The following RMC1 variants were observed in gnomAD, a reference collection of about 807,000 sequenced individuals.
RMC1 encodes the protein regulator of MON1-CCZ1 complex.
RMC1 carries 44 observed loss-of-function variants against 95.5 expected under a neutral mutation model. The ratio of observed to expected loss-of-function variants is 0.46; its 90% CI spans 0.36 to 0.59. The LOEUF is 0.59. Among genes scored for constraint, RMC1 ranks in the 20% least tolerant of loss-of-function variants. The pLI is 0.00. For missense variants in RMC1, 705 were observed against 819.6 expected (o/e 0.86, Z 1.71); for synonymous variants, 320 against 303.6 (o/e 1.05, Z -0.56).
intron 5 of RMC1, among the ~76,000 whole-genome samples, chr18:23,513,395 T>TA (rs1358160474): frequency 6.6e-6 from 1 of 152,260 alleles, no homozygotes; most frequent in Non-Finnish European, 1.5e-5. Context: ...TTAAGACTGA[T>TA]AATACCGCAC....
chr18:23,507,995 A>G lies in RMC1; in HGVS notation c.275A>G (p.Asn92Ser). Residue 92 changes from asparagine (N) to serine (S), a missense_variant, in exon 4 of 20, where the codon AAT (asparagine) becomes AGT (serine). By Grantham distance (46) the Asn-to-Ser change is conservative. Coordinates refer to ENST00000269221, the MANE Select transcript of RMC1 (RefSeq NM_013326.5). ...TGTTTTTCCTTTCAGGATTTTTGTA[A>G]TTTTATCCCTGATAATTCCCAGCTG... ...QRTSKTVDFC[N>S]FIPDNSQLEY... 6.2e-7 allele frequency: 1 copy of G among 1,610,622 alleles called. No individual in the cohort carries two copies. Among genetic ancestry groups the G allele is most frequent in the East Asian group, 2.2e-5 (1 of 44,744 alleles).
chr18:23,524,111 A>C lies in RMC1; in HGVS notation c.962-19A>C, dbSNP rs2058224733. 5 of 1,613,956 alleles carry C rather than the reference A, an allele frequency of 3.1e-6. No individual in the cohort carries two copies. The highest frequency in any genetic ancestry group is 3.3e-5 in the Admixed American group (2 of 60,014). ...ATTTTCTGACTGCATCGTTGCACTT[A>C]TGTTTTCTCAATTTGTAGGTCCTGC... On this transcript the variant is annotated intron_variant, in intron 10 of 19. Coordinates refer to ENST00000269221, the MANE Select transcript of RMC1 (RefSeq NM_013326.5).
At chr18:23,505,675 C>T (rs969923725) in intron 2 of RMC1, among the ~76,000 whole-genome samples, 7 of 152,152 alleles carry the variant, frequency 4.6e-5, no homozygotes, top group Non-Finnish European at 7.3e-5. Flanking sequence ...TAGCAATCAG[C>T]GAGCCATGTG....
chr18:23,505,002 T>C (rs2057677692), intron 2 of RMC1, among the ~76,000 whole-genome samples: 1 of 152,172 alleles, frequency 6.6e-6, no homozygotes, highest in Non-Finnish European at 1.5e-5. Context: ...GAAAGTATAA[T>C]GTAGGCCCTC....
At chr18:23,513,691 C>G (rs2057923171) in intron 5 of RMC1, among the ~76,000 whole-genome samples, 1 of 152,194 alleles carries the variant, frequency 6.6e-6, no homozygotes, top group Non-Finnish European at 1.5e-5. Context: ...TCTCCATATC[C>G]TCACCAACAC....
At chr18:23,521,345 C>T (rs571073445) in intron 10 of RMC1, among the ~76,000 whole-genome samples, 13 of 152,324 alleles carry the variant, frequency 8.5e-5, no homozygotes, top group Middle Eastern at 3.4e-3. Context: ...TGAATACACC[C>T]GTAACGTTTT....
intron 12 of RMC1, among the ~76,000 whole-genome samples, chr18:23,525,116 T>G (rs1167739637): frequency 6.6e-6 from 1 of 151,324 alleles, no homozygotes; most frequent in Non-Finnish European, 1.5e-5. Context: ...CCAGCTAATT[T>G]TGTATTTTTA....
chr18:23,504,534 T>C (rs558277191), intron 2 of RMC1, 87 bp downstream of exon 2: 1 of 1,296,980 alleles, frequency 7.7e-7, no homozygotes, highest in African/African-American at 1.5e-5. Context: ...AATTTTGTCA[T>C]TTGGTCTGCC....
intron 14 of RMC1, 111 bp from the exon 15 acceptor site, chr18:23,529,068 C>T: frequency 6.7e-7 from 1 of 1,483,614 alleles, no homozygotes; most frequent in Non-Finnish European, 9.0e-7. Context: ...AAAGTGTTTT[C>T]CGCTCATATC....
chr18:23,527,916 G>C lies in RMC1; in HGVS notation c.1296+15G>C. On this transcript the variant is annotated intron_variant, in intron 14 of 19. Transcript: ENST00000269221. ...GTTATGCGATGGTGAGTTACATGGA[G>C]TATGACAAAGGGTCCTCCTCCCCCA... 1.3e-6 allele frequency: 2 copies of C among 1,592,338 alleles called. No homozygotes were observed. Among genetic ancestry groups the C allele is most frequent in the Non-Finnish European group, 1.7e-6 (2 of 1,164,160 alleles).
chr18:23,512,723 G>A (rs992592692), intron 5 of RMC1, among the ~76,000 whole-genome samples: 1 of 151,746 alleles, frequency 6.6e-6, no homozygotes, highest in African/African-American at 2.4e-5. Flanking sequence ...ATGAGCCACT[G>A]TGTGTGGTCA....
chr18:23,503,816 C>T (rs1438504554), intron 1 of RMC1, 96 bp downstream of exon 1: 1 of 1,048,642 alleles, frequency 9.5e-7, no homozygotes, highest in Non-Finnish European at 1.3e-6. Flanking sequence ...GCGTCCCCTC[C>T]TGTCCTGTCC....
intron 12 of RMC1, among the ~76,000 whole-genome samples, chr18:23,525,034 C>T (rs2058255931): frequency 1.3e-5 from 2 of 148,824 alleles, no homozygotes; most frequent in South Asian, 4.2e-4. Flanking sequence ...GCAACCTCCG[C>T]CTCCCGGGTT....
chr18:23,525,970 T>C (rs141344730), intron 12 of RMC1, among the ~76,000 whole-genome samples: 189 of 152,334 alleles, frequency 1.2e-3, no homozygotes, highest in Non-Finnish European at 2.2e-3. Context: ...ATCCACTGTA[T>C]GTATGTAATG....
intron 19 of RMC1, 40 bp downstream of exon 19, chr18:23,530,652 CAA>C (rs536631149): frequency 1.9e-6 from 3 of 1,585,132 alleles, no homozygotes; most frequent in Non-Finnish European, 1.7e-6. Context: ...ACCATAGCCT[CAA>C]AGAGTAGCAG....
intron 14 of RMC1, chr18:23,528,968 C>T: frequency 1.6e-6 from 1 of 643,942 alleles, no homozygotes; most frequent in South Asian, 2.2e-5. Context: ...CAACCTCTGC[C>T]TCCTGGGTTC....
At chr18:23,510,802 C>T (rs1221062177) in intron 5 of RMC1, among the ~76,000 whole-genome samples, 1 of 152,188 alleles carries the variant, frequency 6.6e-6, no homozygotes, top group Non-Finnish European at 1.5e-5. Context: ...TCAGCATAGC[C>T]ATTATAAAAA....
intron 2 of RMC1, 149 bp downstream of exon 2, chr18:23,504,596 G>A: frequency 1.6e-6 from 1 of 633,314 alleles, no homozygotes; most frequent in Non-Finnish European, 2.8e-6. Context: ...CTGTAGGGAG[G>A]GTCTTCGTGG....
rs764608473 is a variant in RMC1 at position 23,531,679 on chromosome 18, C to T, written c.1949C>T (p.Ala650Val). 6.2e-6 allele frequency: 10 copies of T among 1,613,356 alleles called. 1 individual carries two copies. In the Middle Eastern group the frequency reaches 1.3e-3, roughly 213 times the overall value. Reference sequence around the variant, plus strand: ...TTCAAACAGATTTTTGGAGACCAAGCTCTAATGAGGCCTACAACATTCTGA... The same window carrying T: ...TTCAAACAGATTTTTGGAGACCAAGTTCTAATGAGGCCTACAACATTCTGA... ...AFFKQIFGDQ[A>V]LMRPTTF The change falls in exon 20 of 20, where the codon GCT (alanine) becomes GTT (valine). Residue 650 changes from alanine (A) to valine (V), a missense_variant. Ala to Val is a moderately conservative substitution (Grantham distance 64). Transcript: ENST00000269221.
Sources: allele counts gnomAD v4.1 joint callset (sites outside exome capture counted in the v4.1 genomes callset), GRCh38; gene constraint gnomAD v4.1.1; transcripts MANE v1.5; gene names NCBI Gene and HGNC (gene_info 2026-07-23, HGNC 2026-07-21).